CEP112: variants seen among roughly 807,000 people sequenced by gnomAD.
CEP112 encodes centrosomal protein of 112 kDa.
Under a neutral mutation model 153.0 loss-of-function variants are expected in CEP112, and 127 were observed. That is an observed-to-expected ratio of 0.83 (90% CI 0.72 to 0.96). CEP112 has a LOEUF of 0.96. CEP112 is among the 40% of genes least tolerant of loss of function. The pLI is 0.00. For synonymous variants in CEP112, 358 were observed against 374.4 expected (o/e 0.96, Z 0.51); for missense variants, 1,089 against 1,101.2 (o/e 0.99, Z 0.16).
At chr17:66,010,201 A>G (rs2064457278) in intron 16 of CEP112, among the ~76,000 whole-genome samples, 1 of 151,910 alleles carries the variant, frequency 6.6e-6, no homozygotes, top group South Asian at 2.1e-4. Flanking sequence ...ATTCCTAGGT[A>G]TTTTATTCTT....
intron 21 of CEP112, among the ~76,000 whole-genome samples, chr17:65,846,987 T>A (rs1057198003): frequency 1.3e-5 from 2 of 152,186 alleles, no homozygotes; most frequent in Non-Finnish European, 2.9e-5. Flanking sequence ...TGACTATTTA[T>A]GTAAAAATAT....
At chr17:65,699,105 A>G (rs1435520146) in intron 23 of CEP112, among the ~76,000 whole-genome samples, 2 of 152,206 alleles carry the variant, frequency 1.3e-5, no homozygotes, top group African/African-American at 2.4e-5. Flanking sequence ...TATTCCCTAT[A>G]TGATAACATA....
intron 12 of CEP112, among the ~76,000 whole-genome samples, chr17:66,049,443 G>A (rs1331430899): frequency 6.6e-6 from 1 of 152,052 alleles, no homozygotes; most frequent in African/African-American, 2.4e-5. Flanking sequence ...TTTTAAATAA[G>A]CTTAATTAAT....
chr17:66,146,720 T>C (rs1195501797), intron 4 of CEP112, among the ~76,000 whole-genome samples: 1 of 152,160 alleles, frequency 6.6e-6, no homozygotes, highest in Non-Finnish European at 1.5e-5. Flanking sequence ...TTTCCGTTTC[T>C]ATGAATTTGA....
chr17:65,665,986 A>T (rs1259565194), intron 24 of CEP112, among the ~76,000 whole-genome samples: 1 of 152,136 alleles, frequency 6.6e-6, no homozygotes, highest in African/African-American at 2.4e-5. Context: ...CCACATCTCC[A>T]AATACCTTGC....
intron 4 of CEP112, among the ~76,000 whole-genome samples, chr17:66,157,868 G>C (rs895628835): frequency 1.3e-5 from 2 of 152,060 alleles, no homozygotes; most frequent in Non-Finnish European, 2.9e-5. Context: ...CCCAATACAG[G>C]AGCATCCAGG....
Position 66,069,918 on chromosome 17 carries a change from C to G in CEP112, c.852G>C (p.Gln284His). ...AAACACGAGATATATATCCTACCTT[C>G]TGAACATCAGCATCATGTTTCTGTT... Reference protein sequence around the residue: ...KLQQKHDADVQKILERKNNEI... With the variant: ...KLQQKHDADVHKILERKNNEI... The change falls in exon 9 of 27, where the codon CAG (glutamine) becomes CAC (histidine). Residue 284 changes from glutamine to histidine, a missense_variant. Physicochemically the swap from Gln to His is conservative, Grantham distance 24. Coordinates refer to ENST00000535342, the MANE Select transcript of CEP112 (RefSeq NM_001199165.4). 1 of 1,574,072 alleles carries G rather than the reference C, an allele frequency of 6.4e-7. No homozygotes were observed. Among genetic ancestry groups the G allele is most frequent in the Non-Finnish European group, 8.7e-7 (1 of 1,147,392 alleles).
chr17:66,079,907 G>A (rs934851370), intron 8 of CEP112, among the ~76,000 whole-genome samples: 72 of 152,266 alleles, frequency 4.7e-4, no homozygotes, highest in African/African-American at 1.6e-3. Context: ...AAACAATGGG[G>A]AAAGGATTCC....
At chr17:65,950,174 A>AT (rs2061775249) in intron 18 of CEP112, among the ~76,000 whole-genome samples, 1 of 152,112 alleles carries the variant, frequency 6.6e-6, no homozygotes, top group African/African-American at 2.4e-5. Flanking sequence ...ATTTCTATCT[A>AT]TGTGTTAGGT....
chr17:65,921,638 G>A (rs966175926), intron 19 of CEP112, among the ~76,000 whole-genome samples: 2 of 151,940 alleles, frequency 1.3e-5, no homozygotes, highest in South Asian at 2.1e-4. Context: ...CCTGAGGTAC[G>A]CTTGTGTGTG....
At chr17:65,639,120 C>A (rs528037819) in intron 25 of CEP112, among the ~76,000 whole-genome samples, 1 of 152,126 alleles carries the variant, frequency 6.6e-6, no homozygotes, top group Admixed American at 6.6e-5. Flanking sequence ...GAAGCAAAAT[C>A]GCAAACAGTA....
At chr17:66,147,354 ATTG>A (rs1871541667) in intron 4 of CEP112, among the ~76,000 whole-genome samples, 1 of 151,342 alleles carries the variant, frequency 6.6e-6, no homozygotes, top group Admixed American at 6.6e-5. Context: ...AGTTTTTTTT[ATTG>A]TTGTTGAGAT....
chr17:65,754,741 T>A (rs532337899), intron 21 of CEP112, among the ~76,000 whole-genome samples: 6 of 152,350 alleles, frequency 3.9e-5, no homozygotes, highest in African/African-American at 1.4e-4. Flanking sequence ...AACCAGGTCC[T>A]GCACGGTGTT....
At chr17:65,910,169 A>T (rs1465867694) in intron 19 of CEP112, among the ~76,000 whole-genome samples, 3 of 152,186 alleles carry the variant, frequency 2.0e-5, no homozygotes, top group Non-Finnish European at 4.4e-5. Flanking sequence ...TCTCTGACAG[A>T]AGTTGTTCAG....
chr17:65,760,134 A>G (rs889564685), intron 21 of CEP112, among the ~76,000 whole-genome samples: 1 of 152,188 alleles, frequency 6.6e-6, no homozygotes, highest in East Asian at 1.9e-4. Context: ...ACTTGCTATA[A>G]TCACTTATCA....
chr17:66,019,000 A>G (rs898402439), intron 16 of CEP112, among the ~76,000 whole-genome samples: 2 of 152,224 alleles, frequency 1.3e-5, no homozygotes, highest in African/African-American at 2.4e-5. Flanking sequence ...GATGAGGACA[A>G]TTCATCAACA....
At chr17:65,843,004 C>T (rs1326402645) in intron 21 of CEP112, among the ~76,000 whole-genome samples, 1 of 151,836 alleles carries the variant, frequency 6.6e-6, no homozygotes, top group Non-Finnish European at 1.5e-5. Context: ...GCACATGTAC[C>T]CCCGAATCTA....
At chr17:65,795,429 C>G (rs9909246) in intron 21 of CEP112, among the ~76,000 whole-genome samples, 61,374 of 152,002 alleles carry the variant, frequency 0.4, 13,349 homozygotes, top group East Asian at 0.79. Context: ...TGTCAAAGAA[C>G]AGTAAGCTAT....
intron 21 of CEP112, among the ~76,000 whole-genome samples, chr17:65,757,226 G>T (rs886382574): frequency 3.3e-5 from 5 of 152,150 alleles, no homozygotes; most frequent in African/African-American, 9.7e-5. Context: ...AGTCTGTGGT[G>T]TTCTGTTATG....
Sources: gnomAD v4.1 joint callset for allele counts (sites outside exome capture counted in the v4.1 genomes callset) on GRCh38, gnomAD v4.1.1 for gene constraint, MANE v1.5 for transcripts, NCBI Gene and HGNC (gene_info 2026-07-23, HGNC 2026-07-21) for gene names.